RBM4: variants seen among roughly 807,000 people sequenced by gnomAD.
RBM4 encodes RNA-binding protein 4.
Under a neutral mutation model 29.5 loss-of-function variants are expected in RBM4, and 7 were observed. The ratio of observed to expected loss-of-function variants is 0.24; its 90% CI spans 0.14 to 0.45. The LOEUF (loss-of-function observed/expected upper bound fraction) is 0.45. RBM4 is among the 20% of genes least tolerant of loss of function. RBM4 has a pLI of 1.00. For synonymous variants in RBM4, 220 were observed against 205.4 expected (o/e 1.07, Z -0.61); for missense variants, 387 against 502.3 (o/e 0.77, Z 2.19).
At chr11:66,648,198 C>T (rs960433284), downstream of RBM4, among the ~76,000 whole-genome samples, 2 of 151,624 alleles carry the variant, frequency 1.3e-5, no homozygotes, top group African/African-American at 4.8e-5. Context: ...GAGCAAAACT[C>T]CTCAAAAAAT....
intron 3 of RBM4, among the ~76,000 whole-genome samples, chr11:66,645,155 C>T (rs959904702): frequency 3.9e-5 from 6 of 152,120 alleles, no homozygotes; most frequent in African/African-American, 7.2e-5. Flanking sequence ...ACCCTGAGTC[C>T]GCTGGCTTTT....
chr11:66,665,592 C>T (rs1457100606), intron 2 of RBM4: 1 of 1,535,940 alleles, frequency 6.5e-7, no homozygotes, highest in Non-Finnish European at 8.7e-7. Context: ...AAAGAGAGCA[C>T]AACACAAGAG....
intron 2 of RBM4, chr11:66,665,738 T>C (rs1939205191): frequency 7.5e-7 from 1 of 1,334,190 alleles, no homozygotes; most frequent in Non-Finnish European, 1.0e-6. Flanking sequence ...TGTAATTACC[T>C]AGGAGTCTAT....
chr11:66,658,059 CTTG>C (rs959741135), intron 2 of RBM4, among the ~76,000 whole-genome samples: 1 of 147,636 alleles, frequency 6.8e-6, no homozygotes, highest in Non-Finnish European at 1.5e-5. Flanking sequence ...GAGTTTTGCT[CTTG>C]TTGCCCAGGC....
intron 1 of RBM4, chr11:66,639,208 T>A (rs1938328493): frequency 6.3e-6 from 1 of 158,058 alleles, no homozygotes; most frequent in Admixed American, 6.2e-5. Flanking sequence ...CGCTGTCTGA[T>A]CCGAGTCGCG....
At chr11:66,663,202 T>C (rs1939117573) in intron 2 of RBM4, among the ~76,000 whole-genome samples, 1 of 152,216 alleles carries the variant, frequency 6.6e-6, no homozygotes, top group Non-Finnish European at 1.5e-5. Context: ...ATGTCCATAA[T>C]CTAGAAGACA....
chr11:66,660,774 C>T (rs1939064564), intron 2 of RBM4, among the ~76,000 whole-genome samples: 1 of 152,160 alleles, frequency 6.6e-6, no homozygotes, highest in East Asian at 1.9e-4. Context: ...CTGCCTCAGC[C>T]TCCCGAGTAG....
rs1938579791 is a variant in RBM4, at chr11:66,643,978, C to G, written c.941C>G (p.Ala314Gly). The change falls in exon 3 of 4, where the codon GCT becomes GGT. Residue 314 changes from alanine (A) to glycine (G), a missense_variant. Ala to Gly is a moderately conservative substitution (Grantham distance 60). Coordinates refer to ENST00000310092, the MANE Select transcript of RBM4 (RefSeq NM_002896.4). The surrounding 1 kb of genome is among the most constrained non-coding windows in gnomAD (Gnocchi z 6.1). ...YGRDRSPLRR[A>G]TAPVPTVGEG... Reference sequence around the variant, plus strand: ...CGGGATCGGAGCCCCCTGCGTCGCGCTACAGCCCCAGTCCCCACTGTTGGA... The same window carrying G: ...CGGGATCGGAGCCCCCTGCGTCGCGGTACAGCCCCAGTCCCCACTGTTGGA... 4.3e-6 allele frequency: 7 copies of G among 1,613,126 alleles called. No individual in the cohort carries two copies. The highest frequency in any genetic ancestry group is 5.9e-6 in the Non-Finnish European group (7 of 1,180,036).
chr11:66,653,347 C>A (rs1230555912), intron 2 of RBM4, among the ~76,000 whole-genome samples: 1 of 147,324 alleles, frequency 6.8e-6, no homozygotes, highest in Non-Finnish European at 1.5e-5. Flanking sequence ...TATGATGATT[C>A]ACTTCTACTT....
chr11:66,665,943 C>T (rs1310146982), exon 3 of RBM4: 1 of 1,534,086 alleles, frequency 6.5e-7, no homozygotes, highest in African/African-American at 1.4e-5. Context: ...ATTTTGGAGT[C>T]CAGGAAAAGC....
At chr11:66,653,621 C>CA in intron 2 of RBM4, among the ~76,000 whole-genome samples, 1 of 152,248 alleles carries the variant, frequency 6.6e-6, no homozygotes, top group Middle Eastern at 3.4e-3. Context: ...CTTGGCCTCC[C>CA]AAAGTGTTGG....
exon 3 of RBM4, chr11:66,666,533 G>A (rs1939234968): frequency 1.2e-5 from 9 of 780,516 alleles, no homozygotes; most frequent in Non-Finnish European, 1.2e-5. Context: ...GCTAAAAAGA[G>A]GTTAGTTGAA....
intron 2 of RBM4, among the ~76,000 whole-genome samples, chr11:66,654,019 CCT>C (rs1347262858): frequency 1.3e-5 from 2 of 151,966 alleles, no homozygotes; most frequent in Non-Finnish European, 2.9e-5. Flanking sequence ...ACAGCAAGAC[CCT>C]CTCTAAAAAT....
downstream of RBM4, chr11:66,649,639 G>T: frequency 4.7e-6 from 3 of 640,518 alleles, no homozygotes; most frequent in Middle Eastern, 2.4e-4. Context: ...GTGTATCTTT[G>T]AGTGGAAGCC....
intron 1 of RBM4, chr11:66,639,482 C>T (rs1222291439): frequency 1.1e-5 from 7 of 614,512 alleles, no homozygotes; most frequent in East Asian, 2.8e-5. Context: ...TACTAAGGAC[C>T]TCCCTATTGC....
intron 2 of RBM4, among the ~76,000 whole-genome samples, chr11:66,641,904 T>C (rs1166229510): frequency 1.3e-5 from 2 of 152,236 alleles, no homozygotes; most frequent in Admixed American, 6.5e-5. Context: ...CTTCTTTTTC[T>C]GGCGTTAGAA....
At chr11:66,660,353 T>C (rs867486400) in intron 2 of RBM4, among the ~76,000 whole-genome samples, 25 of 144,038 alleles carry the variant, frequency 1.7e-4, no homozygotes, top group African/African-American at 2.5e-4. Flanking sequence ...GAGTCTCTCT[T>C]TTTTTTTTTT....
intron 2 of RBM4, chr11:66,665,263 G>A: frequency 2.7e-6 from 1 of 369,406 alleles, no homozygotes; most frequent in Non-Finnish European, 5.0e-6. Context: ...GGTAGGCAGG[G>A]AGAAGGATTC....
At chr11:66,652,128 G>C (rs1422666141) in intron 2 of RBM4, 1 of 148,242 alleles carries the variant, frequency 6.7e-6, no homozygotes. Flanking sequence ...TTTTTTTTTT[G>C]GTCACCCAGG....
Sources: gnomAD v4.1 joint callset for allele counts (sites outside exome capture counted in the v4.1 genomes callset) on GRCh38, gnomAD v4.1.1 for gene constraint, Gnocchi (gnomAD v3.1) non-coding constraint, MANE v1.5 for transcripts, NCBI Gene and HGNC (gene_info 2026-07-23, HGNC 2026-07-21) for gene names.